The following STXBP5L variants were observed in gnomAD, a reference collection of about 807,000 sequenced individuals.
STXBP5L encodes syntaxin-binding protein 5-like.
Under a neutral mutation model 144.5 loss-of-function variants are expected in STXBP5L, and 65 were observed. The observed-to-expected ratio is 0.45, with a 90% CI of 0.37 to 0.55. The LOEUF is 0.55. STXBP5L is among the 20% of genes least tolerant of loss of function. The pLI, the probability that STXBP5L is intolerant of heterozygous loss-of-function variation, is 0.00. For synonymous variants in STXBP5L, 505 were observed against 469.6 expected (o/e 1.08, Z -0.97); for missense variants, 1,298 against 1,405.5 (o/e 0.92, Z 1.22).
chr3:121,167,077 C>G (rs539544560), intron 9 of STXBP5L, among the ~76,000 whole-genome samples: 1 of 152,250 alleles, frequency 6.6e-6, no homozygotes, highest in African/African-American at 2.4e-5. Flanking sequence ...GAGGATATGA[C>G]TCTTGGAGTC....
rs117244086 is a variant in STXBP5L, at chr3:121,223,941, T to C, written c.1111+784T>C. On this transcript the variant is annotated intron_variant, in intron 11 of 26. Transcript: ENST00000471454. ...TGAGATTCCATCTCAAACAAATAAATAGATAAATAAATAAATAAATCTAAA... is the reference window on the plus strand; with the variant it reads ...TGAGATTCCATCTCAAACAAATAAACAGATAAATAAATAAATAAATCTAAA... Among the ~76,000 whole-genome samples, 39 of 151,636 alleles carry C rather than the reference T, an allele frequency of 2.6e-4. No homozygotes were observed. In the East Asian group the frequency reaches 7.6e-3, roughly 29 times the overall value.
At chr3:121,375,615 C>T (rs888902133) in intron 20 of STXBP5L, among the ~76,000 whole-genome samples, 2 of 152,154 alleles carry the variant, frequency 1.3e-5, no homozygotes, top group African/African-American at 4.8e-5. Context: ...GTAATGTGTA[C>T]AAAGTGCCCA....
intron 20 of STXBP5L, among the ~76,000 whole-genome samples, chr3:121,349,437 G>A (rs1428582897): frequency 6.6e-6 from 1 of 151,896 alleles, no homozygotes; most frequent in East Asian, 1.9e-4. Flanking sequence ...ATATTCTGTT[G>A]ATTTGGGGTG....
intron 20 of STXBP5L, among the ~76,000 whole-genome samples, chr3:121,368,658 T>A (rs2045936629): frequency 6.6e-6 from 1 of 152,190 alleles, no homozygotes; most frequent in African/African-American, 2.4e-5. Context: ...CTTTAGGTTT[T>A]ATTTATTAAT....
chr3:121,374,848 T>G (rs552129787), intron 20 of STXBP5L, among the ~76,000 whole-genome samples: 2 of 152,072 alleles, frequency 1.3e-5, no homozygotes, highest in South Asian at 4.2e-4. Flanking sequence ...GCCTAGGAGT[T>G]GTGGAAAACA....
At chr3:121,282,270 C>T in intron 19 of STXBP5L, 4 of 1,611,632 alleles carry the variant, frequency 2.5e-6, no homozygotes, top group African/African-American at 1.3e-5. Flanking sequence ...CCAAAGACAA[C>T]TTTTGCATGC....
chr3:121,067,637 GTGT>G (rs1235287292), intron 5 of STXBP5L, among the ~76,000 whole-genome samples: 1 of 152,090 alleles, frequency 6.6e-6, no homozygotes, highest in African/African-American at 2.4e-5. Flanking sequence ...TTCATTAATT[GTGT>G]TGTTAGATCT....
At chr3:121,000,538 T>C (rs1393242344) in intron 3 of STXBP5L, among the ~76,000 whole-genome samples, 1 of 152,228 alleles carries the variant, frequency 6.6e-6, no homozygotes, top group African/African-American at 2.4e-5. Flanking sequence ...AGATTTCTTT[T>C]GTATTGAATT....
Position 121,378,835 on chromosome 3 carries a change from A to G in STXBP5L, c.2296A>G (p.Lys766Glu). 1 of 1,613,786 alleles carries G rather than the reference A, an allele frequency of 6.2e-7. No homozygotes were observed. Among genetic ancestry groups the G allele is most frequent in the Non-Finnish European group, 8.5e-7 (1 of 1,179,836 alleles). ...GGGTCCTGGAAGACCACCATTTCGA[A>G]AGGCCCAGTCAGCAGCCTGCATGGA... is the stretch of plus-strand genomic sequence containing the variant. ...RWGPGRPPFR[K>E]AQSAACMEIS... The change falls in exon 21 of 27, where the codon AAG (lysine) becomes GAG (glutamate). Residue 766 changes from lysine to glutamate, a missense_variant. Physicochemically the swap from Lys to Glu is moderately conservative, Grantham distance 56. Coordinates refer to ENST00000471454, the MANE Select transcript of STXBP5L (RefSeq NM_001308330.2).
chr3:121,099,951 C>A (rs562164855), intron 5 of STXBP5L, among the ~76,000 whole-genome samples: 3 of 152,180 alleles, frequency 2.0e-5, no homozygotes, highest in African/African-American at 7.2e-5. Flanking sequence ...AGTTCCTATT[C>A]TCATATCAGA....
At chr3:121,252,097 C>T (rs2050044948) in intron 15 of STXBP5L, among the ~76,000 whole-genome samples, 2 of 152,176 alleles carry the variant, frequency 1.3e-5, no homozygotes, top group African/African-American at 4.8e-5. Flanking sequence ...CAGTTGTTCA[C>T]ATCTGTAATC....
intron 20 of STXBP5L, among the ~76,000 whole-genome samples, chr3:121,375,584 TTGTTGTGAAGGTTAAATGAGGTAA>T (rs1411942785): frequency 2.0e-5 from 3 of 152,228 alleles, no homozygotes; most frequent in Non-Finnish European, 4.4e-5. Flanking sequence ...CATTGCAGGA[TTGTTGTGAAGGTTAAATGAGGTAA>T]TGTGTACAAA....
At chr3:121,051,640 A>G (rs917031776) in intron 5 of STXBP5L, among the ~76,000 whole-genome samples, 7 of 152,226 alleles carry the variant, frequency 4.6e-5, no homozygotes, top group Non-Finnish European at 8.8e-5. Flanking sequence ...AGCAGGAAAG[A>G]TCCAAAATTC....
In STXBP5L at chr3:120,928,639, A is replaced by AGTGTGTGT. The variant is rs71133519; in HGVS notation, c.189+18903_189+18910dup. On this transcript the variant is annotated intron_variant, in intron 2 of 26. Transcript: ENST00000471454. ...ATAAATAGAATCATATGGTATACAG[A>AGTGTGTGT]GTGTGTGTGTGTGTGTGTGTGTGTG... 3.9e-3 allele frequency among the ~76,000 whole-genome samples: 572 copies of AGTGTGTGT among 147,250 alleles called. 3 individuals are homozygous for AGTGTGTGT. Among genetic ancestry groups the AGTGTGTGT allele is most frequent in the African/African-American group, 0.013 (521 of 39,830 alleles).
At chr3:121,322,780 C>T (rs1024233493) in intron 20 of STXBP5L, among the ~76,000 whole-genome samples, 1 of 152,090 alleles carries the variant, frequency 6.6e-6, no homozygotes, top group African/African-American at 2.4e-5. Context: ...ATCTGCTTTC[C>T]TCAGGGGCAG....
intron 20 of STXBP5L, among the ~76,000 whole-genome samples, chr3:121,349,180 A>G (rs564108022): frequency 6.6e-6 from 1 of 152,250 alleles, no homozygotes; most frequent in African/African-American, 2.4e-5. Context: ...TTGGTTTCAA[A>G]GAACATCTTT....
At chr3:121,328,236 T>C (rs1195634452) in intron 20 of STXBP5L, among the ~76,000 whole-genome samples, 2 of 152,204 alleles carry the variant, frequency 1.3e-5, no homozygotes, top group Non-Finnish European at 2.9e-5. Flanking sequence ...ATGAAAATAA[T>C]AGCTAACATT....
At chr3:121,177,819 G>A (rs2046992668) in intron 9 of STXBP5L, among the ~76,000 whole-genome samples, 2 of 152,158 alleles carry the variant, frequency 1.3e-5, no homozygotes. Flanking sequence ...TGAGATATGT[G>A]TATACTCATA....
At chr3:121,191,602 A>T (rs1377384702) in intron 9 of STXBP5L, among the ~76,000 whole-genome samples, 2 of 152,048 alleles carry the variant, frequency 1.3e-5, no homozygotes, top group Non-Finnish European at 2.9e-5. Flanking sequence ...GAAGAAAGTC[A>T]TTGGTAGCTT....
Sources: allele counts gnomAD v4.1 joint callset (sites outside exome capture counted in the v4.1 genomes callset), GRCh38; gene constraint gnomAD v4.1.1; transcripts MANE v1.5; gene names NCBI Gene and HGNC (gene_info 2026-07-23, HGNC 2026-07-21).